WDR82: variants seen among roughly 807,000 people sequenced by gnomAD.
WDR82 encodes the protein WD repeat domain 82.
WDR82 carries 8 observed loss-of-function variants against 36.1 expected under a neutral mutation model. That is an observed-to-expected ratio of 0.22 (90% CI 0.13 to 0.40). WDR82 has a LOEUF of 0.40. Among genes scored for constraint, WDR82 ranks in the 10% least tolerant of loss-of-function variants. WDR82 has a pLI of 1.00. For synonymous variants in WDR82, 129 were observed against 137.8 expected, an observed-to-expected ratio of 0.94 and a Z score of 0.45; for missense variants, 185 against 400.5, an observed-to-expected ratio of 0.46 and a Z score of 4.59.
intron 3 of WDR82, among the ~76,000 whole-genome samples, chr3:52,261,838 G>C (rs1051335948): frequency 6.6e-6 from 1 of 152,114 alleles, no homozygotes; most frequent in African/African-American, 2.4e-5. Flanking sequence ...TGTAAAAATG[G>C]TACAGTTGCT....
Position 52,270,442 on chromosome 3 carries a change from G to A in WDR82, c.259+270C>T, listed in dbSNP as rs548739805. Among the ~76,000 whole-genome samples, 44 of 152,280 alleles carry A rather than the reference G, an allele frequency of 2.9e-4. 1 individual carries two copies. The highest frequency in any genetic ancestry group is 9.6e-4 in the African/African-American group (40 of 41,564). ...TTTAAAAGCGTTCTTTTAAGTGTCA[G>A]GAAGTACAAATCATAAACACAATTA... On this transcript the variant is annotated intron_variant, in intron 2 of 8. Transcript: ENST00000296490.
At chr3:52,258,325 C>T (rs1216092648) in intron 8 of WDR82, among the ~76,000 whole-genome samples, 1 of 152,118 alleles carries the variant, frequency 6.6e-6, no homozygotes, top group Non-Finnish European at 1.5e-5. Flanking sequence ...TTCCTGATCA[C>T]CTCTAGGAAG....
chr3:52,260,556 G>A, intron 4 of WDR82, 55 bp from the exon 5 acceptor site: 2 of 1,248,874 alleles, frequency 1.6e-6, no homozygotes, highest in South Asian at 1.5e-5. Flanking sequence ...AACCATACGT[G>A]GAATAACCAA....
intron 3 of WDR82, among the ~76,000 whole-genome samples, chr3:52,264,409 A>G (rs2107334663): frequency 6.6e-6 from 1 of 152,312 alleles, no homozygotes; most frequent in Middle Eastern, 3.4e-3. Context: ...TGAGAGGTTA[A>G]GCACCAAGAA....
chr3:52,257,619 G>A, intron 8 of WDR82, 100 bp from the exon 9 acceptor site: 1 of 1,454,290 alleles, frequency 6.9e-7, no homozygotes, highest in East Asian at 2.4e-5. Context: ...CCCAACCCCA[G>A]TGGCTCTGGT....
At chr3:52,257,652 A>C in intron 8 of WDR82, 133 bp from the exon 9 acceptor site, 3 of 889,564 alleles carry the variant, frequency 3.4e-6, no homozygotes, top group Non-Finnish European at 3.6e-6. Flanking sequence ...TAACCAACCA[A>C]CCCCGATGCT....
intron 1 of WDR82, among the ~76,000 whole-genome samples, chr3:52,277,426 A>G (rs747821373): frequency 6.6e-6 from 1 of 152,214 alleles, no homozygotes; most frequent in Non-Finnish European, 1.5e-5. Flanking sequence ...AGAAAAAAAA[A>G]AGTATGAAAG....
chr3:52,272,543 C>CA (rs538212712), intron 1 of WDR82, among the ~76,000 whole-genome samples: 6,058 of 100,118 alleles, frequency 0.061, 208 homozygotes, highest in Middle Eastern at 0.13. Context: ...GACTCCATCT[C>CA]AAAAAAAAAA....
intron 1 of WDR82, among the ~76,000 whole-genome samples, chr3:52,272,628 C>T (rs748115875): frequency 1.3e-5 from 2 of 151,670 alleles, no homozygotes; most frequent in Non-Finnish European, 2.9e-5. Context: ...CTCTCCAATA[C>T]GATCAACTGA....
intron 1 of WDR82, 89 bp downstream of exon 1, chr3:52,278,112 A>G: frequency 1.5e-6 from 2 of 1,353,360 alleles, no homozygotes; most frequent in Non-Finnish European, 1.9e-6. Context: ...TGGGGGCTGA[A>G]GTCGGGACGG....
In WDR82 at chr3:52,278,522, T is replaced by A; in HGVS notation, c.-161A>T. The A allele has an allele frequency of 1.8e-6, 1 of 554,350 alleles. No homozygotes were observed. Among genetic ancestry groups the A allele is most frequent in the Non-Finnish European group, 2.7e-6 (1 of 369,958 alleles). 34.3% of individuals were successfully genotyped at this position (554,350 alleles called of 1,614,324 possible). ...GCCGCCTCCTCCTCTTCTTCCTGCT[T>A]GGTCGAGGGTCTTCTGCCTGGACTG... is the stretch of plus-strand genomic sequence containing the variant. On this transcript the variant is annotated 5_prime_UTR_variant, in exon 1 of 9. Transcript: ENST00000296490.
rs1050891835 is a variant in WDR82 at position 52,254,484 on chromosome 3, AGG to A, written c.*3004_*3005del. The A allele has an allele frequency of 2.4e-4, 37 of 152,800 alleles. No homozygotes were observed. The highest frequency in any genetic ancestry group is 8.4e-4 in the African/African-American group (35 of 41,590). 9.5% of individuals were successfully genotyped at this position (152,800 alleles called of 1,614,324 possible). On this transcript the variant is annotated 3_prime_UTR_variant, in exon 9 of 9. Coordinates refer to ENST00000296490, the MANE Select transcript of WDR82 (RefSeq NM_025222.4). ...AAAATGTTTATACGTTAAGTACAAA[AGG>A]GACATAAAATTGTATATACAGAATA...
rs1293509452 is a variant in WDR82 at position 52,278,419 on chromosome 3, C to G, written c.-58G>C. On this transcript the variant is annotated 5_prime_UTR_variant, in exon 1 of 9. Coordinates refer to ENST00000296490, the MANE Select transcript of WDR82 (RefSeq NM_025222.4). ...GGCCGGGGCGGGGCCCGGCGGCGAG[C>G]GGGCGGGCTGCCGAGGGGCCAACCC... The G allele has an allele frequency of 8.1e-7, 1 of 1,228,770 alleles. No individual in the cohort carries two copies. The highest frequency in any genetic ancestry group is 1.6e-5 in the African/African-American group (1 of 62,098). 76.1% of individuals were successfully genotyped at this position (1,228,770 alleles called of 1,614,324 possible).
chr3:52,268,903 C>G (rs919306602), intron 2 of WDR82, among the ~76,000 whole-genome samples: 3 of 152,090 alleles, frequency 2.0e-5, no homozygotes, highest in Non-Finnish European at 4.4e-5. Context: ...CACCCTAGAC[C>G]TCCAGGGCTC....
chr3:52,273,274 T>G (rs1254524083), intron 1 of WDR82, among the ~76,000 whole-genome samples: 1 of 151,582 alleles, frequency 6.6e-6, no homozygotes, highest in African/African-American at 2.4e-5. Flanking sequence ...TACTAAAAAT[T>G]AAAAAAATTA....
At chr3:52,261,131 A>G (rs1700057726) in intron 4 of WDR82, among the ~76,000 whole-genome samples, 1 of 152,212 alleles carries the variant, frequency 6.6e-6, no homozygotes, top group African/African-American at 2.4e-5. Context: ...GTCTCAAAAC[A>G]AAAACAAAAA....
intron 1 of WDR82, among the ~76,000 whole-genome samples, chr3:52,271,841 C>T (rs1294703525): frequency 6.6e-6 from 1 of 152,204 alleles, no homozygotes; most frequent in Non-Finnish European, 1.5e-5. Flanking sequence ...CATCAGTCAT[C>T]ACAGCACTTT....
intron 1 of WDR82, among the ~76,000 whole-genome samples, chr3:52,272,817 A>G (rs145055997): frequency 1.1e-4 from 16 of 152,368 alleles, no homozygotes; most frequent in Middle Eastern, 3.4e-3. Flanking sequence ...GTCTTTAAGA[A>G]GTCAGTTATT....
intron 8 of WDR82, among the ~76,000 whole-genome samples, 174 bp from the exon 9 acceptor site, chr3:52,257,693 G>A (rs1278356822): frequency 6.6e-6 from 1 of 152,072 alleles, no homozygotes; most frequent in Admixed American, 6.6e-5. Flanking sequence ...TTTCCTCTAT[G>A]TGAAAGTAAA....
Sources: allele counts gnomAD v4.1 joint callset (sites outside exome capture counted in the v4.1 genomes callset), GRCh38; gene constraint gnomAD v4.1.1; transcripts MANE v1.5; gene names NCBI Gene and HGNC (gene_info 2026-07-23, HGNC 2026-07-21).